The following PTPRT variants were observed in gnomAD, a reference collection of about 807,000 sequenced individuals.
PTPRT encodes protein tyrosine phosphatase receptor type T, also known as receptor-type tyrosine-protein phosphatase T.
A neutral mutation model predicts 176.8 loss-of-function variants in PTPRT; 56 were observed. The ratio of observed to expected loss-of-function variants is 0.32; its 90% CI spans 0.26 to 0.40. The LOEUF is 0.40. PTPRT is among the 10% of genes least tolerant of loss of function. The pLI is 1.00. For synonymous variants in PTPRT, 783 were observed against 739.0 expected (o/e 1.06, Z -0.96); for missense variants, 1,540 against 1,908.2 (o/e 0.81, Z 3.60).
At chr20:42,742,567 T>C (rs958988723) in intron 6 of PTPRT, among the ~76,000 whole-genome samples, 1 of 152,086 alleles carries the variant, frequency 6.6e-6, no homozygotes, top group Non-Finnish European at 1.5e-5. Flanking sequence ...GGGGCTTGCA[T>C]AGGGGAGTTT....
intron 9 of PTPRT, among the ~76,000 whole-genome samples, chr20:42,375,816 C>T (rs185825284): frequency 2.5e-3 from 381 of 152,200 alleles, no homozygotes; most frequent in Non-Finnish European, 3.8e-3. Flanking sequence ...GAATGATTGA[C>T]AGTCAATTTC....
intron 1 of PTPRT, among the ~76,000 whole-genome samples, chr20:43,135,030 A>C (rs570249981): frequency 1.3e-5 from 2 of 152,298 alleles, no homozygotes; most frequent in East Asian, 3.9e-4. Flanking sequence ...GATAATATCA[A>C]ATGTCCCCTG....
chr20:42,117,518 A>G (rs1987349373), intron 21 of PTPRT, among the ~76,000 whole-genome samples: 1 of 152,212 alleles, frequency 6.6e-6, no homozygotes, highest in South Asian at 2.1e-4. Flanking sequence ...GCAGAGCAGG[A>G]GACCAAGATC....
At chr20:42,525,748 T>C (rs2096603756) in intron 7 of PTPRT, among the ~76,000 whole-genome samples, 1 of 152,228 alleles carries the variant, frequency 6.6e-6, no homozygotes, top group Non-Finnish European at 1.5e-5. Context: ...GTGATTTTTA[T>C]GAATGTAGAA....
At chr20:42,353,039 G>T (rs2058309100) in intron 9 of PTPRT, among the ~76,000 whole-genome samples, 1 of 152,152 alleles carries the variant, frequency 6.6e-6, no homozygotes. Context: ...AAATTGAATG[G>T]AATTGTTTAC....
Position 42,084,829 on chromosome 20 carries a change from C to G in PTPRT, c.3989G>C (p.Arg1330Pro), listed in dbSNP as rs528913627. Reference protein sequence around the residue: ...CNMARPQDGYRIVQHLQYIGW... With the variant: ...CNMARPQDGYPIVQHLQYIGW... ...AATGTACTGGAGGTGCTGGACTATA[C>G]GATAACCATCCTGTGGCTGAGAACA... The change falls in exon 29 of 31, where the codon CGT becomes CCT. Residue 1330 changes from arginine to proline, a missense_variant. Physicochemically the swap from Arg to Pro is moderately radical, Grantham distance 103. This residue lies in a region of PTPRT where 342 missense variants were observed against 394.0 expected (regional missense o/e 0.87). Coordinates refer to ENST00000373187, the MANE Select transcript of PTPRT (RefSeq NM_007050.6). 6.9e-7 allele frequency: 1 copy of G among 1,457,302 alleles called. No individual in the cohort carries two copies. Among genetic ancestry groups the G allele is most frequent in the African/African-American group, 1.4e-5 (1 of 71,404 alleles). 90.3% of individuals were successfully genotyped at this position (1,457,302 alleles called of 1,614,324 possible).
chr20:42,653,270 C>G (rs1447308181), intron 7 of PTPRT, among the ~76,000 whole-genome samples: 1 of 152,172 alleles, frequency 6.6e-6, no homozygotes, highest in South Asian at 2.1e-4. Context: ...CCCTTCCATG[C>G]TTGTAAGTTT....
chr20:42,305,380 A>T (rs563012966), intron 12 of PTPRT, among the ~76,000 whole-genome samples: 10 of 152,160 alleles, frequency 6.6e-5, no homozygotes, highest in Admixed American at 2.6e-4. Context: ...AAAAAAAAAA[A>T]TTTTAATTGA....
At chr20:42,918,553 C>A (rs964724372) in intron 1 of PTPRT, among the ~76,000 whole-genome samples, 3 of 152,152 alleles carry the variant, frequency 2.0e-5, no homozygotes, top group African/African-American at 7.2e-5. Context: ...TCGATCAAGC[C>A]ACCTGCTCTC....
At chr20:42,774,966 CTCAACTG>C (rs2077113998) in intron 4 of PTPRT, among the ~76,000 whole-genome samples, 1 of 152,190 alleles carries the variant, frequency 6.6e-6, no homozygotes, top group Non-Finnish European at 1.5e-5. Context: ...CGCAAGCTCT[CTCAACTG>C]TCACCTTCCC....
intron 7 of PTPRT, among the ~76,000 whole-genome samples, chr20:42,587,083 C>A (rs1159280232): frequency 6.6e-6 from 1 of 152,164 alleles, no homozygotes; most frequent in Non-Finnish European, 1.5e-5. Context: ...CACATTTCAG[C>A]ACCAATGCAA....
At chr20:42,123,997 T>C (rs1987722401) in intron 19 of PTPRT, among the ~76,000 whole-genome samples, 1 of 152,180 alleles carries the variant, frequency 6.6e-6, no homozygotes, top group Non-Finnish European at 1.5e-5. Flanking sequence ...CCTGGGCCAT[T>C]GGCCTTGAAA....
chr20:42,700,374 C>T lies in PTPRT; in HGVS notation c.860-22215G>A, dbSNP rs187260359. ...TGGAGGCTGGCAGGCCCCCCTCACA[C>T]AAGCTGTGTGGTATAAAAGGATCTG... is the stretch of plus-strand genomic sequence containing the variant. On this transcript the variant is annotated intron_variant, in intron 6 of 30. Transcript: ENST00000373187. 1.7e-3 allele frequency among the ~76,000 whole-genome samples: 254 copies of T among 152,256 alleles called. 3 individuals are homozygous for T. The highest frequency in any genetic ancestry group is 5.9e-3 in the African/African-American group (243 of 41,532).
chr20:42,553,094 G>A (rs959268411), intron 7 of PTPRT, among the ~76,000 whole-genome samples: 2 of 152,064 alleles, frequency 1.3e-5, no homozygotes, highest in African/African-American at 4.8e-5. Flanking sequence ...GAATTTACCT[G>A]AAAGAATCAT....
chr20:42,801,757 G>A (rs1168147847), intron 2 of PTPRT, among the ~76,000 whole-genome samples: 1 of 152,186 alleles, frequency 6.6e-6, no homozygotes, highest in Non-Finnish European at 1.5e-5. Context: ...AGTTATGTAG[G>A]TGTCAGACAG....
chr20:42,136,773 T>A (rs1205457556), intron 18 of PTPRT, among the ~76,000 whole-genome samples: 2 of 152,166 alleles, frequency 1.3e-5, no homozygotes, highest in Non-Finnish European at 2.9e-5. Flanking sequence ...TGCAAGTAGT[T>A]GTTGTCGGGG....
chr20:42,760,641 G>T (rs2145421368), intron 5 of PTPRT, among the ~76,000 whole-genome samples: 1 of 152,252 alleles, frequency 6.6e-6, no homozygotes, highest in East Asian at 1.9e-4. Flanking sequence ...CAGCCACTGT[G>T]TTAATGGCTT....
At chr20:42,958,979 G>A (rs745583900) in intron 1 of PTPRT, among the ~76,000 whole-genome samples, 23 of 152,132 alleles carry the variant, frequency 1.5e-4, no homozygotes, top group Non-Finnish European at 2.8e-4. Context: ...CCCACTGTCT[G>A]TCTTAAATTA....
chr20:43,134,796 G>T (rs540591128), intron 1 of PTPRT, among the ~76,000 whole-genome samples: 2 of 152,306 alleles, frequency 1.3e-5, no homozygotes, highest in African/African-American at 4.8e-5. Flanking sequence ...CAGTTTTGTT[G>T]TCTGTGATAA....
Sources: gnomAD v4.1 joint callset for allele counts (sites outside exome capture counted in the v4.1 genomes callset) on GRCh38, gnomAD v4.1.1 for gene constraint, gnomAD v4.1.1 regional missense constraint, MANE v1.5 for transcripts, NCBI Gene and HGNC (gene_info 2026-07-23, HGNC 2026-07-21) for gene names.